The following TRPM3 variants were observed in gnomAD, a reference collection of about 807,000 sequenced individuals.
The protein encoded by TRPM3 is long transient receptor potential channel 3.
TRPM3 carries 77 observed loss-of-function variants against 181.2 expected under a neutral mutation model. The ratio of observed to expected loss-of-function variants is 0.42; its 90% CI spans 0.35 to 0.51. TRPM3 has a LOEUF of 0.51. TRPM3 is among the 20% of genes least tolerant of loss of function. The pLI is 0.01. For synonymous variants in TRPM3, 745 were observed against 796.4 expected (o/e 0.94, Z 1.09); for missense variants, 1,759 against 2,196.7 (o/e 0.80, Z 3.98).
At chr9:71,098,532 C>G (rs2067718138) in intron 1 of TRPM3, among the ~76,000 whole-genome samples, 1 of 152,078 alleles carries the variant, frequency 6.6e-6, no homozygotes, top group Non-Finnish European at 1.5e-5. Context: ...GGTGAATGCT[C>G]CCCTATCATC....
In TRPM3 at chr9:71,373,693, G is replaced by C. The variant is rs549635061; in HGVS notation, c.183+72960C>G. Among the ~76,000 whole-genome samples, 304 of 151,958 alleles carry C rather than the reference G, an allele frequency of 2.0e-3. 1 individual carries two copies. Among genetic ancestry groups the C allele is most frequent in the African/African-American group, 7.1e-3 (293 of 41,436 alleles). ...ACAGATTCATAGCTGAATTCTACCA[G>C]AGGTACCAAGAAGAGCTGGTACCAT... On this transcript the variant is annotated intron_variant, in intron 1 of 24. Coordinates refer to the TRPM3 transcript ENST00000357533.
intron 1 of TRPM3, among the ~76,000 whole-genome samples, chr9:71,119,271 A>G (rs2134348713): frequency 1.3e-5 from 2 of 152,352 alleles, no homozygotes; most frequent in Non-Finnish European, 2.9e-5. Flanking sequence ...AGATATTGAA[A>G]AAATGGGAAG....
chr9:71,331,523 T>G (rs966731836), intron 1 of TRPM3, among the ~76,000 whole-genome samples: 2 of 151,738 alleles, frequency 1.3e-5, no homozygotes. Context: ...TTCTACATTA[T>G]ATTATAATCT....
intron 1 of TRPM3, among the ~76,000 whole-genome samples, chr9:71,391,840 G>A (rs938750512): frequency 2.0e-5 from 3 of 152,072 alleles, no homozygotes; most frequent in Admixed American, 2.0e-4. Flanking sequence ...TGGCTGAAGA[G>A]ATAAGGTATA....
At chr9:71,039,301 T>C (rs1053762051) in intron 1 of TRPM3, among the ~76,000 whole-genome samples, 2 of 152,116 alleles carry the variant, frequency 1.3e-5, no homozygotes, top group Admixed American at 6.6e-5. Context: ...AAAACTACTA[T>C]ACAGAAGGCT....
rs760233815 is a variant in TRPM3, at chr9:70,615,947, C to T, written c.2487G>A (p.Lys829=). The T allele has an allele frequency of 1.2e-6, 2 of 1,612,438 alleles. No individual in the cohort carries two copies. The highest frequency in any genetic ancestry group is 8.5e-7 in the Non-Finnish European group (1 of 1,179,358). ...CCTCTTCCTCTTTTTCCTTTGTGGG[C>T]TTCTCTGGTTCTTCTGCCTCCTTCT... ...LQEKEAEEPE[K]PTKEKEEEDM... The change falls in exon 18 of 26, where the codon AAG becomes AAA. Residue 829 remains lysine (K), a synonymous_variant. Coordinates refer to ENST00000677713, the MANE Select transcript of TRPM3 (RefSeq NM_001366145.2).
chr9:71,242,701 CAG>C (rs1392960636), intron 1 of TRPM3, among the ~76,000 whole-genome samples: 2 of 152,164 alleles, frequency 1.3e-5, no homozygotes, highest in Non-Finnish European at 2.9e-5. Context: ...GGCTTTTAGT[CAG>C]AGTCTTTTCC....
At chr9:70,865,056 G>A (rs531556055) in intron 1 of TRPM3, among the ~76,000 whole-genome samples, 1 of 145,598 alleles carries the variant, frequency 6.9e-6, no homozygotes, top group Non-Finnish European at 1.5e-5. Flanking sequence ...TGGGGGGGGG[G>A]AGGAAAATAA....
chr9:70,852,076 G>GCCACTGCA (rs1463868194), intron 3 of TRPM3, among the ~76,000 whole-genome samples: 1 of 123,428 alleles, frequency 8.1e-6, no homozygotes, highest in East Asian at 2.6e-4. Context: ...CTGAGATCAC[G>GCCACTGCA]CCACTGCACC....
At chr9:71,095,323 C>A (rs1329388653) in intron 1 of TRPM3, among the ~76,000 whole-genome samples, 1 of 152,076 alleles carries the variant, frequency 6.6e-6, no homozygotes, top group Non-Finnish European at 1.5e-5. Flanking sequence ...TTTTTAGATT[C>A]CCTTCTTTTT....
intron 1 of TRPM3, among the ~76,000 whole-genome samples, chr9:71,245,538 T>G (rs2081988534): frequency 6.6e-6 from 1 of 152,080 alleles, no homozygotes; most frequent in Non-Finnish European, 1.5e-5. Context: ...TGAAGCAAGG[T>G]GTAACATAAT....
At chr9:70,969,008 A>AAAT (rs1194333500) in intron 1 of TRPM3, among the ~76,000 whole-genome samples, 2 of 152,214 alleles carry the variant, frequency 1.3e-5, no homozygotes, top group East Asian at 3.9e-4. Flanking sequence ...CAAAATTGAC[A>AAAT]AATAGGATCT....
chr9:71,049,440 A>G (rs2059821431), intron 1 of TRPM3, among the ~76,000 whole-genome samples: 1 of 152,186 alleles, frequency 6.6e-6, no homozygotes, highest in South Asian at 2.1e-4. Context: ...TCCAAAATAT[A>G]TTGTATTAAC....
chr9:70,776,142 C>G, intron 7 of TRPM3: 1 of 268,086 alleles, frequency 3.7e-6, no homozygotes, highest in Non-Finnish European at 6.9e-6. Context: ...TCTAGGCCTC[C>G]TATCCCAGCT....
chr9:71,170,511 C>A (rs187533454), intron 1 of TRPM3, among the ~76,000 whole-genome samples: 1 of 152,252 alleles, frequency 6.6e-6, no homozygotes, highest in East Asian at 1.9e-4. Context: ...TCTGGGACCC[C>A]AAACGGAGGG....
chr9:70,801,409 G>C (rs1018014493), intron 6 of TRPM3, among the ~76,000 whole-genome samples: 1 of 152,158 alleles, frequency 6.6e-6, no homozygotes, highest in Non-Finnish European at 1.5e-5. Flanking sequence ...TAGCTACATG[G>C]AAATGAAGCT....
intron 1 of TRPM3, among the ~76,000 whole-genome samples, chr9:71,005,548 T>C (rs1346725176): frequency 6.6e-6 from 1 of 152,048 alleles, no homozygotes; most frequent in African/African-American, 2.4e-5. Context: ...ATGAAACATA[T>C]TCAATAGAGT....
chr9:71,210,027 G>A (rs1310901826), intron 1 of TRPM3, among the ~76,000 whole-genome samples: 2 of 152,176 alleles, frequency 1.3e-5, no homozygotes, highest in Non-Finnish European at 2.9e-5. Context: ...CCCTAACCCC[G>A]TTAGGAACTG....
At position 71,339,224 on chromosome 9, in the gene TRPM3, T is replaced by C. The variant is rs562610822; in HGVS notation, c.183+107429A>G. On this transcript the variant is annotated intron_variant, in intron 1 of 24. Transcript: ENST00000357533. ...ATAAATTAAAAACACCCCTTGTTATTGTTTTAAAAGTCTCAAATATCAAGA... is the reference window on the plus strand; with the variant it reads ...ATAAATTAAAAACACCCCTTGTTATCGTTTTAAAAGTCTCAAATATCAAGA... 4.3e-4 allele frequency among the ~76,000 whole-genome samples: 65 copies of C among 152,288 alleles called. 1 individual carries two copies. The highest frequency in any genetic ancestry group is 1.6e-3 in the African/African-American group (65 of 41,576).
Sources: allele counts gnomAD v4.1 joint callset (sites outside exome capture counted in the v4.1 genomes callset), GRCh38; gene constraint gnomAD v4.1.1; transcripts MANE v1.5; gene names NCBI Gene and HGNC (gene_info 2026-07-23, HGNC 2026-07-21).